The following GRM3 variants were observed in gnomAD, a reference collection of about 807,000 sequenced individuals.
GRM3 encodes glutamate metabotropic receptor 3.
GRM3 carries 26 observed loss-of-function variants against 70.5 expected under a neutral mutation model. That is an observed-to-expected ratio of 0.37 (90% confidence interval 0.27 to 0.51). The LOEUF (loss-of-function observed/expected upper bound fraction) is 0.51, where lower values mean the gene tolerates loss of function less well. Among genes scored for constraint, GRM3 ranks in the 20% least tolerant of loss-of-function variants. The pLI is 0.93. For synonymous variants in GRM3, 443 were observed against 434.9 expected (o/e 1.02, Z -0.23); for missense variants, 859 against 1,123.8 (o/e 0.76, Z 3.37).
chr7:86,679,289 AAAC>A (rs1376018120), intron 1 of GRM3, among the ~76,000 whole-genome samples: 3 of 152,112 alleles, frequency 2.0e-5, no homozygotes. Flanking sequence ...TTATGCGATA[AAAC>A]AATATACATA....
chr7:86,729,373 AT>A (rs35388111), intron 1 of GRM3, among the ~76,000 whole-genome samples: 2 of 152,180 alleles, frequency 1.3e-5, no homozygotes, highest in African/African-American at 2.4e-5. Context: ...AACGTGTTCC[AT>A]TTTTTTAAAG....
chr7:86,695,701 GAATATTAAAGGAGAT>G (rs1794799574), intron 1 of GRM3, among the ~76,000 whole-genome samples: 1 of 151,990 alleles, frequency 6.6e-6, no homozygotes, highest in South Asian at 2.1e-4. Flanking sequence ...AAACTATAAA[GAATATTAAAGGAGAT>G]AATATTAAAG....
intron 1 of GRM3, among the ~76,000 whole-genome samples, chr7:86,732,394 TG>T (rs1795754668): frequency 6.7e-6 from 1 of 150,230 alleles, no homozygotes; most frequent in South Asian, 2.1e-4. Context: ...CAGATTAGAG[TG>T]GGGGCTGGAA....
intron 1 of GRM3, among the ~76,000 whole-genome samples, chr7:86,714,618 A>C (rs1795275007): frequency 6.6e-6 from 1 of 152,038 alleles, no homozygotes; most frequent in Admixed American, 6.6e-5. Context: ...TAAATCAACT[A>C]TGTTGATATA....
intron 2 of GRM3, chr7:86,784,088 T>A (rs947842471): frequency 2.6e-5 from 4 of 152,246 alleles, no homozygotes; most frequent in African/African-American, 9.6e-5. Context: ...ATGCAGAGAA[T>A]CTTTCCCACA....
intron 1 of GRM3, among the ~76,000 whole-genome samples, chr7:86,656,079 A>C (rs1793735545): frequency 6.6e-6 from 1 of 151,982 alleles, no homozygotes; most frequent in Non-Finnish European, 1.5e-5. Context: ...AGTCCACAGG[A>C]AACAGTGACA....
chr7:86,721,581 G>T (rs997338776), intron 1 of GRM3, among the ~76,000 whole-genome samples: 3 of 152,044 alleles, frequency 2.0e-5, no homozygotes, highest in South Asian at 4.1e-4. Context: ...GAAAAAATAT[G>T]TAAGTACTTG....
At chr7:86,828,059 C>G (rs1369596506) in intron 3 of GRM3, among the ~76,000 whole-genome samples, 3 of 143,208 alleles carry the variant, frequency 2.1e-5, no homozygotes, top group Non-Finnish European at 4.5e-5. Flanking sequence ...TTGCAGTGAG[C>G]CGAGATCGTG....
At chr7:86,825,401 T>G (rs1486249025) in intron 3 of GRM3, among the ~76,000 whole-genome samples, 1 of 152,208 alleles carries the variant, frequency 6.6e-6, no homozygotes, top group Admixed American at 6.5e-5. Context: ...TTTGACAAGT[T>G]CACTTGAAAT....
intron 4 of GRM3, among the ~76,000 whole-genome samples, chr7:86,847,111 T>C (rs1463538235): frequency 6.6e-6 from 1 of 152,172 alleles, no homozygotes; most frequent in Non-Finnish European, 1.5e-5. Flanking sequence ...CTAGGGAACC[T>C]GAATCTTTTA....
intron 5 of GRM3, among the ~76,000 whole-genome samples, chr7:86,859,324 A>C (rs1425784026): frequency 6.6e-6 from 1 of 151,984 alleles, no homozygotes; most frequent in African/African-American, 2.4e-5. Context: ...ACATAGCAAG[A>C]ATACCAAACC....
intron 1 of GRM3, among the ~76,000 whole-genome samples, chr7:86,755,235 C>T (rs1018178499): frequency 6.6e-6 from 1 of 151,812 alleles, no homozygotes; most frequent in African/African-American, 2.4e-5. Context: ...TCTGTCAGAC[C>T]AAAATGGAAA....
At chr7:86,843,747 G>A (rs6960053) in intron 4 of GRM3, among the ~76,000 whole-genome samples, 11,388 of 152,174 alleles carry the variant, frequency 0.075, 574 homozygotes, top group African/African-American at 0.14. Context: ...CTCCTCTTTT[G>A]TAACTTACAG....
chr7:86,768,375 C>T (rs920703576), intron 2 of GRM3, among the ~76,000 whole-genome samples: 10 of 152,188 alleles, frequency 6.6e-5, no homozygotes, highest in African/African-American at 2.4e-4. Context: ...ATCAGCAAGT[C>T]AGTCTGTATT....
At chr7:86,669,813 A>C (rs1270016782) in intron 1 of GRM3, among the ~76,000 whole-genome samples, 1 of 152,182 alleles carries the variant, frequency 6.6e-6, no homozygotes, top group Non-Finnish European at 1.5e-5. Context: ...AAGCTTAAGA[A>C]CAGAATACAC....
intron 1 of GRM3, among the ~76,000 whole-genome samples, chr7:86,749,575 C>A (rs575024826): frequency 6.6e-6 from 1 of 152,072 alleles, no homozygotes; most frequent in South Asian, 2.1e-4. Context: ...GAAACAAATT[C>A]ATGTACAAAG....
At chr7:86,647,370 G>A (rs1347714928) in intron 1 of GRM3, among the ~76,000 whole-genome samples, 1 of 152,140 alleles carries the variant, frequency 6.6e-6, no homozygotes, top group Non-Finnish European at 1.5e-5. Flanking sequence ...ACATTGGCTT[G>A]GGGGTGAATT....
Position 86,765,508 on chromosome 7 carries a change from T to G in GRM3, c.363T>G (p.Asp121Glu). The stretch of plus-strand genomic sequence containing the variant: ...TCAGGGCATCTTTGACAAAAGTGGA[T>G]GAAGCTGAGTATATGTGTCCTGATG... ...EFVRASLTKV[D>E]EAEYMCPDGS... Residue 121 changes from aspartate to glutamate, a missense_variant, in exon 2 of 6, where the codon GAT (aspartate) becomes GAG (glutamate). Coordinates refer to ENST00000361669, the MANE Select transcript of GRM3 (RefSeq NM_000840.3). 2 of 1,613,896 alleles carry G rather than the reference T, an allele frequency of 1.2e-6. No individual in the cohort carries two copies. Among genetic ancestry groups the G allele is most frequent in the East Asian group, 4.5e-5 (2 of 44,866 alleles).
rs932980033 is a variant in GRM3 at position 86,786,539 on chromosome 7, C to T, written c.747C>T (p.Arg249=). The stretch of plus-strand genomic sequence containing the variant: ...TCGCTACGGCGGAGAAGGTGGGCCG[C>T]TCCAACATCCGCAAGTCCTACGACA... ...ICIATAEKVG[R]SNIRKSYDSV... The change falls in exon 3 of 6, where the codon CGC becomes CGT. Residue 249 remains arginine (R), a synonymous_variant. Coordinates refer to ENST00000361669, the MANE Select transcript of GRM3 (RefSeq NM_000840.3). This position sits in a 1 kb window ranked among gnomAD's most constrained non-coding sequence, Gnocchi z 6.0. 3 of 1,614,076 alleles carry T rather than the reference C, an allele frequency of 1.9e-6. No homozygotes were observed. The highest frequency in any genetic ancestry group is 2.5e-6 in the Non-Finnish European group (3 of 1,180,044).
Sources: gnomAD v4.1 joint callset for allele counts (sites outside exome capture counted in the v4.1 genomes callset) on GRCh38, gnomAD v4.1.1 for gene constraint, Gnocchi (gnomAD v3.1) non-coding constraint, MANE v1.5 for transcripts, NCBI Gene and HGNC (gene_info 2026-07-23, HGNC 2026-07-21) for gene names.